DHDDS: variants seen among roughly 807,000 people sequenced by gnomAD.
The protein encoded by DHDDS is dehydrodolichyl diphosphate synthase subunit, also known as dehydrodolichyl diphosphate synthase complex subunit DHDDS.
In DHDDS, 16 loss-of-function variants were observed where a neutral mutation model predicts 46.2. The ratio of observed to expected loss-of-function variants is 0.35; its 90% CI spans 0.23 to 0.53. The LOEUF (loss-of-function observed/expected upper bound fraction) is 0.53. Ranked by LOEUF, DHDDS falls within the 20% of genes least tolerant of loss-of-function variation. DHDDS has a pLI of 0.94. For missense variants in DHDDS, 340 were observed against 423.7 expected (o/e 0.80, Z 1.73); for synonymous variants, 151 against 163.1 (o/e 0.93, Z 0.56).
In DHDDS at chr1:26,447,559, G is replaced by A. The variant is rs201038798; in HGVS notation, c.441G>A (p.Lys147=). 52 of 1,612,980 alleles carry A rather than the reference G, an allele frequency of 3.2e-5. No individual in the cohort carries two copies. Among genetic ancestry groups the A allele is most frequent in the Non-Finnish European group, 2.5e-6 (3 of 1,179,106 alleles). Residue 147 remains lysine (K), a splice_region_variant and synonymous_variant, in exon 6 of 9, where the codon AAG becomes AAA. Coordinates refer to ENST00000236342, the MANE Select transcript of DHDDS (RefSeq NM_205861.3). ...AATTATTCTCTTCTTCCCTCCTCAG[G>A]TGTTTCCTGAATGTCTGTTTTGCAT... is the stretch of plus-strand genomic sequence containing the variant. The part of the protein sequence containing the change: ...QAVQATKNYN[K]CFLNVCFAYT...
intron 6 of DHDDS, chr1:26,454,789 A>AT (rs1044105067): frequency 6.3e-7 from 1 of 1,582,216 alleles, no homozygotes; most frequent in Non-Finnish European, 8.6e-7. Context: ...TAATCCAACC[A>AT]TGAGCTCTGT....
intron 3 of DHDDS, 188 bp downstream of exon 3, chr1:26,438,472 C>T (rs1456390439): frequency 1.7e-6 from 1 of 585,578 alleles, no homozygotes; most frequent in Admixed American, 2.4e-5. Flanking sequence ...TGCCTCTAAT[C>T]CCACACTTTG....
intron 2 of DHDDS, among the ~76,000 whole-genome samples, chr1:26,435,274 T>C (rs1345524179): frequency 6.6e-6 from 1 of 151,860 alleles, no homozygotes; most frequent in African/African-American, 2.4e-5. Flanking sequence ...CCTCCCAAAG[T>C]GCTGGGATTA....
chr1:26,465,926 T>C (rs750064882), intron 8 of DHDDS, among the ~76,000 whole-genome samples: 9 of 152,208 alleles, frequency 5.9e-5, no homozygotes, highest in Non-Finnish European at 1.0e-4. Context: ...GGACTTTTCA[T>C]TGGCTAATGT....
In DHDDS at chr1:26,447,609, A is replaced by G. The variant is rs1429544868; in HGVS notation, c.491A>G (p.Asn164Ser). 4.3e-6 allele frequency: 7 copies of G among 1,614,050 alleles called. No individual in the cohort carries two copies. Among genetic ancestry groups the G allele is most frequent in the East Asian group, 4.5e-5 (2 of 44,896 alleles). ...FAYTSRHEIS[N>S]AVREMAWGVE... ...TACACATCCCGTCATGAGATCAGCA[A>G]TGCTGTGAGAGAGATGGCCTGGGGG... Residue 164 changes from asparagine (N) to serine (S), a missense_variant, in exon 6 of 9, where the codon AAT becomes AGT. By Grantham distance (46) the Asn-to-Ser change is conservative. This residue lies in a region of DHDDS where 268 missense variants were observed against 300.3 expected (regional missense o/e 0.89). Transcript: ENST00000236342.
chr1:26,433,437 C>T (rs2075122605), intron 2 of DHDDS, among the ~76,000 whole-genome samples: 1 of 151,978 alleles, frequency 6.6e-6, no homozygotes, highest in Non-Finnish European at 1.5e-5. Flanking sequence ...ATTGTTTGAG[C>T]TCAGGAGTTG....
At chr1:26,467,137 A>G in intron 8 of DHDDS, 1 of 303,486 alleles carries the variant, frequency 3.3e-6, no homozygotes, top group South Asian at 2.9e-5. Context: ...CATCAGCCAC[A>G]CTTGCTTTCT....
chr1:26,451,252 ATAT>A (rs1368945443), intron 6 of DHDDS, among the ~76,000 whole-genome samples: 2 of 152,130 alleles, frequency 1.3e-5, no homozygotes, highest in Non-Finnish European at 1.5e-5. Flanking sequence ...GTTACACTTT[ATAT>A]TATTCGAATT....
Position 26,433,006 on chromosome 1 carries a change from A to C in DHDDS, c.61A>C (p.Lys21Gln). The change falls in exon 2 of 9, where the codon AAG (lysine) becomes CAG (glutamine). Residue 21 changes from lysine to glutamine, a missense_variant and splice_region_variant. By Grantham distance (53) the Lys-to-Gln change is moderately conservative (BLOSUM62 1). Coordinates refer to ENST00000236342, the MANE Select transcript of DHDDS (RefSeq NM_205861.3). ...LWERFCANII[K>Q]AGPMPKHIAF... ...GGAGCGGTTCTGTGCCAACATCATA[A>C]AGGTGAGCAATGGCCCAGAGCACCG... 6.2e-7 allele frequency: 1 copy of C among 1,614,222 alleles called. No individual in the cohort carries two copies. The highest frequency in any genetic ancestry group is 8.5e-7 in the Non-Finnish European group (1 of 1,180,040).
chr1:26,454,652 T>G (rs2075354182), intron 6 of DHDDS: 1 of 1,386,282 alleles, frequency 7.2e-7, no homozygotes, highest in Admixed American at 1.8e-5. Flanking sequence ...GTGCCATAAG[T>G]TTTTGTTTCT....
At chr1:26,444,380 G>C (rs12239698) in intron 4 of DHDDS, among the ~76,000 whole-genome samples, 5,345 of 152,180 alleles carry the variant, frequency 0.035, 312 homozygotes, top group African/African-American at 0.12. Flanking sequence ...AGGGTTCTTT[G>C]GCTAAAAGAA....
At position 26,468,956 on chromosome 1, in the gene DHDDS, C is replaced by G; in HGVS notation, c.827C>G (p.Thr276Arg). 6.2e-7 allele frequency: 1 copy of G among 1,614,146 alleles called. No individual in the cohort carries two copies. Among genetic ancestry groups the G allele is most frequent in the South Asian group, 1.1e-5 (1 of 91,088 alleles). Residue 276 changes from threonine to arginine, a missense_variant, in exon 9 of 9, where the codon ACA (threonine) becomes AGA (arginine). Thr to Arg is a moderately conservative substitution (Grantham distance 71, BLOSUM62 -1). Coordinates refer to ENST00000236342, the MANE Select transcript of DHDDS (RefSeq NM_205861.3). ...CAGCAGCTGGAGAGGGACCAGGCTA[C>G]AGTGACAGAGCAGCTGCTGCGAGAG... Reference protein sequence around the residue: ...KRQQLERDQATVTEQLLREGL... With the variant: ...KRQQLERDQARVTEQLLREGL...
chr1:26,447,481 G>A (rs1401038614), intron 5 of DHDDS, 78 bp from the exon 6 acceptor site: 1 of 1,143,690 alleles, frequency 8.7e-7, no homozygotes, highest in Non-Finnish European at 1.3e-6. Context: ...AAGGCTGGAA[G>A]GGCTTCTCTG....
In DHDDS at chr1:26,457,892, T is replaced by C. The variant is rs1414247056; in HGVS notation, c.644T>C (p.Phe215Ser). The C allele has an allele frequency of 6.2e-7, 1 of 1,613,760 alleles. No homozygotes were observed. The highest frequency in any genetic ancestry group is 8.5e-7 in the Non-Finnish European group (1 of 1,179,832). The change falls in exon 7 of 9, where the codon TTC becomes TCC. Residue 215 changes from phenylalanine (F) to serine (S), a missense_variant. Physicochemically the swap from Phe to Ser is radical, Grantham distance 155. Coordinates refer to ENST00000236342, the MANE Select transcript of DHDDS (RefSeq NM_205861.3). ...TCTGGAGAAGTGCGGCTGAGTGACT[T>C]CTTGCTATGGCAGGTAGGTCATTTC... ...RTSGEVRLSD[F>S]LLWQTSHSCL... is the part of the protein sequence containing the mutation.
At chr1:26,454,992 C>T in intron 6 of DHDDS, 1 of 1,518,332 alleles carries the variant, frequency 6.6e-7, no homozygotes, top group Non-Finnish European at 9.1e-7. Context: ...CTGCCAGCTC[C>T]ACCATTGTAA....
At chr1:26,458,759 A>G (rs2075395892) in intron 7 of DHDDS, among the ~76,000 whole-genome samples, 1 of 151,658 alleles carries the variant, frequency 6.6e-6, no homozygotes, top group African/African-American at 2.4e-5. Context: ...AAAAAAAAGA[A>G]AAGAAATAAG....
At chr1:26,433,092 T>G in intron 2 of DHDDS, 84 bp downstream of exon 2, 1 of 1,399,472 alleles carries the variant, frequency 7.1e-7, no homozygotes, top group Middle Eastern at 1.8e-4. Flanking sequence ...GTTGATGATG[T>G]TAAGTGCAAT....
rs1244567520 is a variant in DHDDS, at chr1:26,469,344, C to G, written c.*213C>G. The G allele has an allele frequency of 4.8e-5, 40 of 830,796 alleles. 1 individual carries two copies. In the South Asian group the frequency reaches 6.6e-4, roughly 14 times the overall value. The allele number at this position is 830,796 out of a possible 1,614,324, so 51.5% of individuals were successfully genotyped here. On this transcript the variant is annotated 3_prime_UTR_variant, in exon 9 of 9. Transcript: ENST00000236342. The stretch of plus-strand genomic sequence containing the variant: ...GAGGATTGAGGGTGAAAGTCTCCCA[C>G]GAGTACACTAAACCTAGGTCTGGTC...
chr1:26,436,052 A>G (rs1439711347), intron 2 of DHDDS, among the ~76,000 whole-genome samples: 3 of 150,878 alleles, frequency 2.0e-5, no homozygotes, highest in Admixed American at 6.6e-5. Flanking sequence ...ACCTGGCCCT[A>G]TGAGTTCCTT....
Sources: allele counts gnomAD v4.1 joint callset (sites outside exome capture counted in the v4.1 genomes callset), GRCh38; gene constraint gnomAD v4.1.1; regional missense constraint gnomAD v4.1.1; transcripts MANE v1.5; gene names NCBI Gene and HGNC (gene_info 2026-07-23, HGNC 2026-07-21).